MTG2: variants seen among roughly 807,000 people sequenced by gnomAD.
MTG2 encodes mitochondrial ribosome-associated GTPase 2.
A neutral mutation model predicts 28.6 loss-of-function variants in MTG2; 23 were observed. That is an observed-to-expected ratio of 0.80 (90% CI 0.58 to 1.14). MTG2 has a LOEUF of 1.14. MTG2 is among the 50% of genes most tolerant of loss of function. The pLI is 0.00. For missense variants in MTG2, 539 were observed against 552.0 expected (o/e 0.98, Z 0.24); for synonymous variants, 260 against 251.8 (o/e 1.03, Z -0.31).
intron 1 of MTG2, among the ~76,000 whole-genome samples, chr20:62,189,314 AAAG>A (rs2057909152): frequency 1.3e-5 from 2 of 152,040 alleles, no homozygotes; most frequent in Admixed American, 6.6e-5. Flanking sequence ...CAAAAAAAAA[AAAG>A]AAAAAAAAGT....
At chr20:62,186,478 C>T (rs1370218085) in intron 1 of MTG2, among the ~76,000 whole-genome samples, 2 of 150,430 alleles carry the variant, frequency 1.3e-5, no homozygotes, top group Non-Finnish European at 2.9e-5. Context: ...TTATATTAGC[C>T]TGATAACATG....
chr20:62,193,954 C>T (rs1013369072), intron 2 of MTG2: 4 of 219,904 alleles, frequency 1.8e-5, no homozygotes, highest in Admixed American at 1.1e-4. Context: ...AAAACAAATG[C>T]GGAGGCTGGG....
At chr20:62,194,575 T>C (rs1030032214) in intron 2 of MTG2, among the ~76,000 whole-genome samples, 1 of 152,272 alleles carries the variant, frequency 6.6e-6, no homozygotes, top group African/African-American at 2.4e-5. Flanking sequence ...GTTTGTGTTT[T>C]AAATTTTTAA....
rs961137622 is a variant in MTG2, at chr20:62,195,827, G to C, written c.230G>C (p.Arg77Thr). The C allele has an allele frequency of 5.6e-6, 9 of 1,614,108 alleles. No individual in the cohort carries two copies. The highest frequency in any genetic ancestry group is 7.6e-6 in the Non-Finnish European group (9 of 1,180,040). ...AAAAGGTACTTTGTGGACTATCGGAGAGTGCTTGTCTGTGGAGGAAACGGA... is the reference window on the plus strand; with the variant it reads ...AAAAGGTACTTTGTGGACTATCGGACAGTGCTTGTCTGTGGAGGAAACGGA... The part of the protein sequence containing the change: ...KLKRYFVDYR[R>T]VLVCGGNGGA... The change falls in exon 3 of 7, where the codon AGA becomes ACA. Residue 77 changes from arginine to threonine, a missense_variant. Transcript: ENST00000370823.
intron 1 of MTG2, among the ~76,000 whole-genome samples, chr20:62,189,035 G>T (rs1254793789): frequency 6.6e-6 from 1 of 152,056 alleles, no homozygotes; most frequent in African/African-American, 2.4e-5. Context: ...TTTAGACAGG[G>T]TCTCAGGCCA....
chr20:62,191,055 G>A (rs960814045), intron 1 of MTG2, among the ~76,000 whole-genome samples: 3 of 152,100 alleles, frequency 2.0e-5, no homozygotes, highest in Non-Finnish European at 2.9e-5. Context: ...GTGCATGGAG[G>A]CCCGGTTTCT....
In MTG2 at chr20:62,201,014, G is replaced by A. The variant is rs1333179117; in HGVS notation, c.1158G>A (p.Lys386=). The change falls in exon 7 of 7, where the codon AAG becomes AAA. Residue 386 remains lysine (K), a synonymous_variant. Transcript: ENST00000370823. ...TGGAGCAGCTGCTGTTGCACCTGAA[G>A]GTGCTGTATGACGCCTACGCGGAGG... ...ENLEQLLLHL[K]VLYDAYAEAE... is the part of the protein sequence containing the mutation. The A allele has an allele frequency of 6.2e-7, 1 of 1,612,836 alleles. No individual in the cohort carries two copies. Among genetic ancestry groups the A allele is most frequent in the Non-Finnish European group, 8.5e-7 (1 of 1,179,956 alleles).
At chr20:62,198,598 G>A (rs1182704815) in intron 4 of MTG2, 36 bp from the exon 5 acceptor site, 4 of 1,603,034 alleles carry the variant, frequency 2.5e-6, no homozygotes, top group African/African-American at 2.7e-5. Flanking sequence ...CTCACTGCTG[G>A]TAGAGCTCAG....
In MTG2 at chr20:62,193,774, T is replaced by G. The variant is rs532987559; in HGVS notation, c.204+150T>G. On this transcript the variant is annotated intron_variant, in intron 2 of 6. Coordinates refer to ENST00000370823, the MANE Select transcript of MTG2 (RefSeq NM_015666.4). ...GTGGAGCTTCTTGAAAATGACAGGG[T>G]GAAACGCAGGCCTGCGTGCTAAATC... 111 of 773,242 alleles carry G rather than the reference T, an allele frequency of 1.4e-4. No homozygotes were observed. In the African/African-American group the frequency reaches 1.9e-3, roughly 13 times the overall value. 47.9% of individuals were successfully genotyped at this position (773,242 alleles called of 1,614,324 possible).
intron 1 of MTG2, among the ~76,000 whole-genome samples, chr20:62,188,008 G>C (rs896265499): frequency 6.6e-6 from 1 of 151,762 alleles, no homozygotes. Flanking sequence ...GCGGGCGCCT[G>C]TAGTCCCAGC....
rs1195847131 is a variant in MTG2 at position 62,203,553 on chromosome 20, TCAC to T, written c.*2480_*2482del. On this transcript the variant is annotated 3_prime_UTR_variant, in exon 7 of 7. Coordinates refer to ENST00000370823, the MANE Select transcript of MTG2 (RefSeq NM_015666.4). ...ATATATGATTCACATACCATAAAAT[TCAC>T]CACTTTATATAATTCAGTGGTTTTT... 2 of 152,244 alleles carry T rather than the reference TCAC, an allele frequency of 1.3e-5. No homozygotes were observed. Among genetic ancestry groups the T allele is most frequent in the Non-Finnish European group, 2.9e-5 (2 of 68,034 alleles). 9.4% of individuals were successfully genotyped at this position (152,244 alleles called of 1,614,324 possible).
chr20:62,195,977 G>GT lies in MTG2; in HGVS notation c.352+30dup, dbSNP rs199785205. On this transcript the variant is annotated intron_variant, in intron 3 of 6. Coordinates refer to ENST00000370823, the MANE Select transcript of MTG2 (RefSeq NM_015666.4). ...AGGTGCCCTGGGGCAGTGCAGCGGG[G>GT]TTGAGGAGGGGCCCCGAGACTGCAT... The GT allele has an allele frequency of 1.8e-3, 2,835 of 1,612,240 alleles. 40 individuals carry two copies. In the African/African-American group the frequency reaches 0.031, roughly 17 times the overall value.
chr20:62,191,880 A>G (rs530545951), intron 1 of MTG2, among the ~76,000 whole-genome samples: 79 of 152,344 alleles, frequency 5.2e-4, no homozygotes, highest in African/African-American at 1.9e-3. Flanking sequence ...TGGCACCTGC[A>G]AGGTAGCCGG....
At chr20:62,189,664 C>CCTTTTTT (rs750430757) in intron 1 of MTG2, among the ~76,000 whole-genome samples, 2 of 113,650 alleles carry the variant, frequency 1.8e-5, no homozygotes, top group Non-Finnish European at 3.8e-5. Flanking sequence ...TAAACATTAA[C>CCTTTTTT]TTTTTTTTTT....
At chr20:62,200,656 C>T in intron 6 of MTG2, 27 bp from the exon 7 acceptor site, 1 of 1,565,412 alleles carries the variant, frequency 6.4e-7, no homozygotes, top group Non-Finnish European at 8.6e-7. Context: ...CAAGTGGTCA[C>T]CTCGTGTGCC....
chr20:62,197,926 A>G lies in MTG2; in HGVS notation c.427A>G (p.Lys143Glu). The change falls in exon 4 of 7, where the codon AAA becomes GAA. Residue 143 changes from lysine to glutamate, a missense_variant. Transcript: ENST00000370823. Reference protein sequence around the residue: ...QGFSGEDGGSKNCFGRSGAVL... With the variant: ...QGFSGEDGGSENCFGRSGAVL... ...TTTCAGTGGAGAAGATGGAGGGAGTAAAAACTGCTTCGGGCGCAGTGGCGC... is the reference window on the plus strand; with the variant it reads ...TTTCAGTGGAGAAGATGGAGGGAGTGAAAACTGCTTCGGGCGCAGTGGCGC... 6.2e-7 allele frequency: 1 copy of G among 1,614,188 alleles called. No individual in the cohort carries two copies. The highest frequency in any genetic ancestry group is 2.2e-5 in the East Asian group (1 of 44,874).
At chr20:62,186,977 G>A (rs1184558457) in intron 1 of MTG2, among the ~76,000 whole-genome samples, 2 of 152,184 alleles carry the variant, frequency 1.3e-5, no homozygotes, top group South Asian at 4.1e-4. Flanking sequence ...TCCATCTTGG[G>A]AGGTAACCAT....
At chr20:62,199,692 C>CTTTTTTT (rs576466526) in intron 6 of MTG2, among the ~76,000 whole-genome samples, 1 of 90,628 alleles carries the variant, frequency 1.1e-5, no homozygotes, top group Admixed American at 1.7e-4. Context: ...ATGTAAACAA[C>CTTTTTTT]TTTTTTTTTT....
At position 62,193,513 on chromosome 20, in the gene MTG2, C is replaced by T. The variant is rs2058000697; in HGVS notation, c.93C>T (p.Pro31=). The change falls in exon 2 of 7, where the codon CCC becomes CCT. Residue 31 remains proline (P), a synonymous_variant. Transcript: ENST00000370823. ...WALSTWAGLK[P]SRLLPQRASP... ...TGTCCACATGGGCTGGCCTGAAGCC[C>T]AGCCGGCTACTGCCACAGCGGGCTT... 1.2e-6 allele frequency: 2 copies of T among 1,614,138 alleles called. No homozygotes were observed. Among genetic ancestry groups the T allele is most frequent in the African/African-American group, 1.3e-5 (1 of 75,020 alleles).
Sources: allele counts gnomAD v4.1 joint callset (sites outside exome capture counted in the v4.1 genomes callset), GRCh38; gene constraint gnomAD v4.1.1; transcripts MANE v1.5; gene names NCBI Gene and HGNC (gene_info 2026-07-23, HGNC 2026-07-21).